NAALADL2: variants seen among roughly 807,000 people sequenced by gnomAD.
NAALADL2 encodes the protein inactive N-acetylated-alpha-linked acidic dipeptidase-like protein 2.
In NAALADL2, 76 loss-of-function variants were observed where a neutral mutation model predicts 87.2. The ratio of observed to expected loss-of-function variants is 0.87; its 90% confidence interval spans 0.72 to 1.05. NAALADL2 has a LOEUF of 1.05. NAALADL2 is among the 50% of genes least tolerant of loss of function. NAALADL2 has a pLI of 0.00. For missense variants in NAALADL2, 1,089 were observed against 945.8 expected, an observed-to-expected ratio of 1.15 and a Z score of -1.99; for synonymous variants, 354 against 331.0, an observed-to-expected ratio of 1.07 and a Z score of -0.75.
chr3:175,340,026 G>T (rs1762413578), intron 5 of NAALADL2, among the ~76,000 whole-genome samples: 1 of 152,014 alleles, frequency 6.6e-6, no homozygotes. Flanking sequence ...GAGTTTCATG[G>T]GTGTGGCATA....
chr3:174,768,016 G>A (rs980456553), intron 3 of NAALADL2, among the ~76,000 whole-genome samples: 12 of 152,150 alleles, frequency 7.9e-5, no homozygotes, highest in African/African-American at 1.9e-4. Context: ...ACCTCAATTC[G>A]AATATGTGAC....
intron 2 of NAALADL2, among the ~76,000 whole-genome samples, chr3:174,625,430 T>C (rs547268057): frequency 6.6e-6 from 1 of 152,128 alleles, no homozygotes; most frequent in Non-Finnish European, 1.5e-5. Flanking sequence ...ATGTTAATCA[T>C]ATTATGACTA....
intron 5 of NAALADL2, among the ~76,000 whole-genome samples, chr3:175,367,710 C>G (rs1405730906): frequency 6.6e-6 from 1 of 152,124 alleles, no homozygotes; most frequent in Non-Finnish European, 1.5e-5. Flanking sequence ...GATTTTGTAT[C>G]CTGAAACTTT....
intron 4 of NAALADL2, among the ~76,000 whole-genome samples, chr3:175,320,853 C>T (rs1306555415): frequency 2.0e-5 from 3 of 149,388 alleles, no homozygotes; most frequent in Non-Finnish European, 4.5e-5. Context: ...AATAGTTTAC[C>T]AACCAAAAAG....
intron 3 of NAALADL2, among the ~76,000 whole-genome samples, chr3:175,243,336 ACACACACACGCACG>A (rs1031147556): frequency 2.0e-5 from 3 of 151,138 alleles, no homozygotes. Flanking sequence ...ACACACACAC[ACACACACACGCACG>A]CACACACACA....
intron 1 of NAALADL2, among the ~76,000 whole-genome samples, chr3:174,495,696 A>G (rs1410203059): frequency 6.6e-6 from 1 of 152,106 alleles, no homozygotes; most frequent in Non-Finnish European, 1.5e-5. Context: ...ATCCAGCTGT[A>G]TGTCTTTTTC....
intron 9 of NAALADL2, among the ~76,000 whole-genome samples, chr3:175,543,591 A>G (rs547328772): frequency 6.5e-4 from 99 of 152,302 alleles, no homozygotes; most frequent in African/African-American, 2.2e-3. Flanking sequence ...AGCAAGGAGA[A>G]GTGCCAAGCA....
At chr3:175,790,288 A>G (rs1266776147) in intron 13 of NAALADL2, among the ~76,000 whole-genome samples, 1 of 152,124 alleles carries the variant, frequency 6.6e-6, no homozygotes, top group Non-Finnish European at 1.5e-5. Context: ...CCCCAGATCC[A>G]TTGTTCATCT....
intron 2 of NAALADL2, among the ~76,000 whole-genome samples, chr3:175,224,057 CAG>C (rs1309895754): frequency 6.6e-6 from 1 of 152,030 alleles, no homozygotes; most frequent in East Asian, 1.9e-4. Flanking sequence ...TAAAGAAAGA[CAG>C]AGAGAGAGTT....
chr3:175,051,939 A>G (rs1373242564), intron 1 of NAALADL2, among the ~76,000 whole-genome samples: 1 of 152,208 alleles, frequency 6.6e-6, no homozygotes, highest in East Asian at 1.9e-4. Flanking sequence ...ACCCTCAACC[A>G]GTGGTGCTAG....
chr3:175,126,625 CCAAAA>C lies in NAALADL2; in HGVS notation c.545+29346_545+29350del, dbSNP rs1467623077. Among the ~76,000 whole-genome samples the C allele has an allele frequency of 5.9e-5, 9 of 152,160 alleles. No homozygotes were observed. In the East Asian group the frequency reaches 1.2e-3, roughly 20 times the overall value. ...ATGATAATGGAGAGCTTTATTGTCA[CCAAAA>C]CAAAACAAAACGAAACAAAACTCAA... On this transcript the variant is annotated intron_variant, in intron 2 of 13. Coordinates refer to ENST00000454872, the MANE Select transcript of NAALADL2 (RefSeq NM_207015.3).
In NAALADL2 at chr3:175,698,437, ATT is replaced by A. The variant is rs1491269274; in HGVS notation, c.1897-38867_1897-38866del. On this transcript the variant is annotated intron_variant, in intron 11 of 13. Transcript: ENST00000454872. ...TATGTATACATATGTATGTGTATAT[ATT>A]TATGTATGTATACATATATGTGTAT... Among the ~76,000 whole-genome samples, 5 of 138,634 alleles carry A rather than the reference ATT, an allele frequency of 3.6e-5. 2 individuals are homozygous for A. The highest frequency in any genetic ancestry group is 1.1e-4 in the African/African-American group (4 of 35,994). 90.9% of individuals were successfully genotyped at this position (138,634 alleles called of 152,430 possible). A position where few individuals can be genotyped will look rare whatever the true frequency, so the allele number is the denominator to read the frequency against.
intron 2 of NAALADL2, among the ~76,000 whole-genome samples, chr3:174,614,216 C>T (rs1237362939): frequency 1.3e-5 from 2 of 152,132 alleles, no homozygotes; most frequent in Non-Finnish European, 2.9e-5. Flanking sequence ...TTCCCCTCCC[C>T]CTGTTTACTG....
intron 11 of NAALADL2, among the ~76,000 whole-genome samples, chr3:175,725,285 C>T (rs983444486): frequency 3.3e-5 from 5 of 152,054 alleles, no homozygotes; most frequent in African/African-American, 9.7e-5. Context: ...TTACAAAGTA[C>T]ATCATTTAAT....
intron 2 of NAALADL2, among the ~76,000 whole-genome samples, chr3:175,133,435 G>C (rs548183629): frequency 6.6e-6 from 1 of 152,322 alleles, no homozygotes; most frequent in African/African-American, 2.4e-5. Flanking sequence ...GGGCACCATT[G>C]AGCACTGAGT....
intron 3 of NAALADL2, among the ~76,000 whole-genome samples, chr3:174,795,964 C>G (rs1443466362): frequency 6.6e-6 from 1 of 152,140 alleles, no homozygotes; most frequent in African/African-American, 2.4e-5. Context: ...CCCCAAATTT[C>G]TATTTTGAAG....
intron 5 of NAALADL2, among the ~76,000 whole-genome samples, chr3:175,334,053 T>A (rs1761712290): frequency 6.6e-6 from 1 of 152,192 alleles, no homozygotes; most frequent in South Asian, 2.1e-4. Context: ...GCTTACTTTC[T>A]GACACAGTAC....
chr3:175,041,917 C>A (rs985549139), intron 1 of NAALADL2, among the ~76,000 whole-genome samples: 4 of 152,098 alleles, frequency 2.6e-5, no homozygotes, highest in African/African-American at 4.8e-5. Flanking sequence ...TACATGCTTA[C>A]CTTTTCTGTG....
At chr3:175,748,574 T>C (rs1746225379) in intron 12 of NAALADL2, among the ~76,000 whole-genome samples, 1 of 152,220 alleles carries the variant, frequency 6.6e-6, no homozygotes, top group Non-Finnish European at 1.5e-5. Context: ...ATCCATAGGA[T>C]AATAGGTTCT....
Sources: gnomAD v4.1 joint callset for allele counts (sites outside exome capture counted in the v4.1 genomes callset) on GRCh38, gnomAD v4.1.1 for gene constraint, MANE v1.5 for transcripts, NCBI Gene and HGNC (gene_info 2026-07-23, HGNC 2026-07-21) for gene names.